The following PEX7 variants were observed in gnomAD, a reference collection of about 807,000 sequenced individuals.
PEX7 encodes PTS2 receptor.
PEX7 carries 34 observed loss-of-function variants against 47.5 expected under a neutral mutation model. That is an observed-to-expected ratio of 0.72 (90% CI 0.54 to 0.95). The LOEUF is 0.95. Ranked by LOEUF, PEX7 falls within the 40% of genes least tolerant of loss-of-function variation. The probability of loss-of-function intolerance (pLI) is 0.00; values close to 1 mark genes in which losing one functional copy is unlikely to be tolerated. For synonymous variants in PEX7, 141 were observed against 148.8 expected, an observed-to-expected ratio of 0.95 and a Z score of 0.38; for missense variants, 394 against 400.3, an observed-to-expected ratio of 0.98 and a Z score of 0.13.
rs753283873 is a variant in PEX7 at position 136,866,649 on chromosome 6, G to A, written c.549G>A (p.Trp183Ter). ...SASGDQTLRI[W>*]DVKAAGVRIV... is the part of the protein sequence containing the mutation. ...TAGGTGATCAGACTCTGAGAATATG[G>A]GATGTGAAGGCAGCAGGAGTAAGAA... The change falls in exon 6 of 10, where the codon TGG becomes TGA. Residue 183 changes from tryptophan to a stop codon, truncating the protein, a stop_gained. Transcript: ENST00000318471. LOFTEE classifies it high-confidence loss of function. The A allele has an allele frequency of 1.2e-6, 2 of 1,613,972 alleles. No individual in the cohort carries two copies. The highest frequency in any genetic ancestry group is 1.1e-5 in the South Asian group (1 of 91,072).
At chr6:136,885,208 A>C (rs994347151) in intron 8 of PEX7, among the ~76,000 whole-genome samples, 5 of 152,198 alleles carry the variant, frequency 3.3e-5, no homozygotes. Flanking sequence ...TCCACATTGT[A>C]GCAAATTCTC....
intron 9 of PEX7, among the ~76,000 whole-genome samples, chr6:136,899,704 G>A (rs559960575): frequency 6.6e-6 from 1 of 152,264 alleles, no homozygotes; most frequent in African/African-American, 2.4e-5. Context: ...AATTAAAGAT[G>A]TAATTCTGAG....
chr6:136,848,199 T>C (rs1774665057), intron 5 of PEX7, among the ~76,000 whole-genome samples: 1 of 152,226 alleles, frequency 6.6e-6, no homozygotes, highest in Non-Finnish European at 1.5e-5. Flanking sequence ...TGATTTTGTA[T>C]CCTGAGACTT....
At chr6:136,862,402 G>T (rs1774983565) in intron 5 of PEX7, among the ~76,000 whole-genome samples, 1 of 151,688 alleles carries the variant, frequency 6.6e-6, no homozygotes, top group Non-Finnish European at 1.5e-5. Context: ...TTGAGACAGG[G>T]TCTTGTTCTG....
At chr6:136,909,451 A>G (rs1775898794) in intron 9 of PEX7, among the ~76,000 whole-genome samples, 3 of 152,210 alleles carry the variant, frequency 2.0e-5, no homozygotes, top group African/African-American at 4.8e-5. Context: ...CAGTGCTACC[A>G]GAAGCCATTG....
intron 1 of PEX7, chr6:136,823,063 C>T (rs533444865): frequency 6.1e-6 from 6 of 985,432 alleles, no homozygotes; most frequent in Admixed American, 6.1e-5. Context: ...CTTGAGACCG[C>T]GCTGCCTCCG....
intron 1 of PEX7, chr6:136,823,152 C>T (rs113018580): frequency 7.1e-6 from 7 of 985,250 alleles, no homozygotes; most frequent in African/African-American, 1.7e-5. Flanking sequence ...TCGGTCCGCT[C>T]GGCACAGCAG....
chr6:136,878,263 G>C (rs984323574), intron 8 of PEX7, among the ~76,000 whole-genome samples: 1 of 152,164 alleles, frequency 6.6e-6, no homozygotes, highest in African/African-American at 2.4e-5. Flanking sequence ...CAGACGATTT[G>C]ACTTCCTCTC....
intron 8 of PEX7, among the ~76,000 whole-genome samples, chr6:136,892,325 T>A (rs954540365): frequency 3.3e-5 from 5 of 152,198 alleles, no homozygotes; most frequent in African/African-American, 1.2e-4. Context: ...TTCAGGGTGT[T>A]AATCAAAACT....
chr6:136,893,448 C>T (rs1361389310), intron 8 of PEX7, among the ~76,000 whole-genome samples: 1 of 152,168 alleles, frequency 6.6e-6, no homozygotes, highest in African/African-American at 2.4e-5. Flanking sequence ...TTAAGTCATC[C>T]TGCATTGTCT....
At chr6:136,846,574 A>G (rs898630788) in intron 5 of PEX7, among the ~76,000 whole-genome samples, 3 of 151,606 alleles carry the variant, frequency 2.0e-5, no homozygotes, top group African/African-American at 7.3e-5. Context: ...CTTCCCACCT[A>G]TGAGTGAGAA....
chr6:136,883,892 T>C (rs978139688), intron 8 of PEX7, among the ~76,000 whole-genome samples: 1 of 152,222 alleles, frequency 6.6e-6, no homozygotes, highest in Non-Finnish European at 1.5e-5. Context: ...AAGTGGAGCA[T>C]TGCTTCACAG....
intron 5 of PEX7, among the ~76,000 whole-genome samples, chr6:136,862,405 T>C (rs1330290899): frequency 1.3e-5 from 2 of 151,820 alleles, no homozygotes; most frequent in South Asian, 4.2e-4. Flanking sequence ...AGACAGGGTC[T>C]TGTTCTGTCA....
chr6:136,825,665 C>T (rs1774174401), intron 2 of PEX7, among the ~76,000 whole-genome samples: 1 of 152,092 alleles, frequency 6.6e-6, no homozygotes, highest in Non-Finnish European at 1.5e-5. Context: ...TCCCAAGTAG[C>T]TGGGATTATA....
At chr6:136,864,549 A>G (rs1220496454) in intron 5 of PEX7, among the ~76,000 whole-genome samples, 1 of 152,212 alleles carries the variant, frequency 6.6e-6, no homozygotes, top group Non-Finnish European at 1.5e-5. Flanking sequence ...TCTGCATTTC[A>G]TTACTGCCAA....
intron 8 of PEX7, among the ~76,000 whole-genome samples, chr6:136,883,956 A>T (rs1372440691): frequency 6.6e-6 from 1 of 152,188 alleles, no homozygotes; most frequent in South Asian, 2.1e-4. Context: ...TAATTTTAAC[A>T]TTCGTTGTAG....
intron 9 of PEX7, among the ~76,000 whole-genome samples, chr6:136,898,646 A>T (rs1775694412): frequency 6.6e-6 from 1 of 152,176 alleles, no homozygotes; most frequent in African/African-American, 2.4e-5. Context: ...CCCTTTCAAG[A>T]CTGTCACCCT....
chr6:136,883,483 A>G (rs1443519596), intron 8 of PEX7, among the ~76,000 whole-genome samples: 2 of 152,118 alleles, frequency 1.3e-5, no homozygotes, highest in African/African-American at 4.8e-5. Flanking sequence ...GAAACTCCTT[A>G]TCCTAAGGAT....
At chr6:136,906,671 C>A (rs1775850023) in intron 9 of PEX7, among the ~76,000 whole-genome samples, 2 of 152,120 alleles carry the variant, frequency 1.3e-5, no homozygotes, top group Non-Finnish European at 2.9e-5. Flanking sequence ...TATTGCTGTC[C>A]CTTTTTTAAG....
Sources: gnomAD v4.1 joint callset for allele counts (sites outside exome capture counted in the v4.1 genomes callset) on GRCh38, gnomAD v4.1.1 for gene constraint, MANE v1.5 for transcripts, NCBI Gene and HGNC (gene_info 2026-07-23, HGNC 2026-07-21) for gene names.